Variants in FRY observed in about 807,000 individuals in gnomAD.
FRY encodes FRY microtubule binding protein, also known as protein furry homolog.
FRY carries 128 observed loss-of-function variants against 348.4 expected under a neutral mutation model. The ratio of observed to expected loss-of-function variants is 0.37; its 90% CI spans 0.32 to 0.43. The LOEUF is 0.43. Ranked by LOEUF, FRY falls within the 20% of genes least tolerant of loss-of-function variation. The probability of loss-of-function intolerance (pLI) is 1.00; values close to 1 mark genes in which losing one functional copy is unlikely to be tolerated. For missense variants in FRY, 2,736 were observed against 3,695.2 expected (o/e 0.74, Z 6.73); for synonymous variants, 1,370 against 1,374.7 (o/e 1.00, Z 0.08).
Position 32,194,151 on chromosome 13 carries a change from A to C in FRY, c.3600A>C (p.Gln1200His), listed in dbSNP as rs754332808. Residue 1200 changes from glutamine (Q) to histidine (H), a missense_variant, in exon 29 of 61, where the codon CAA becomes CAC. Around this residue, in one of 9 missense-constraint regions of FRY, gnomAD observed 794 missense variants for 977.0 expected, o/e 0.81. Transcript: ENST00000542859. ...TTGCTCCATGTATTCAGGTTCATCA[A>C]CTTGGCTGCGAAGTTGTTGTCTTGC... ...ILACQDLRVH[Q>H]LGCEVVVLLL... 1 of 1,613,882 alleles carries C rather than the reference A, an allele frequency of 6.2e-7. No homozygotes were observed. The highest frequency in any genetic ancestry group is 1.7e-5 in the Admixed American group (1 of 60,030).
At chr13:32,118,636 C>G (rs1878455821) in intron 4 of FRY, among the ~76,000 whole-genome samples, 1 of 151,878 alleles carries the variant, frequency 6.6e-6, no homozygotes, top group African/African-American at 2.4e-5. Flanking sequence ...TAAAATTCAC[C>G]CTTTTAAAGT....
Position 32,261,628 on chromosome 13 carries a change from G to C in FRY, c.7429G>C (p.Asp2477His). The C allele has an allele frequency of 6.2e-7, 1 of 1,614,118 alleles. No homozygotes were observed. Among genetic ancestry groups the C allele is most frequent in the Non-Finnish European group, 8.5e-7 (1 of 1,179,988 alleles). Residue 2477 changes from aspartate to histidine, a missense_variant, in exon 52 of 61, where the codon GAC becomes CAC. Asp to His is a moderately conservative substitution (Grantham distance 81). Around this residue, in one of 9 missense-constraint regions of FRY, gnomAD observed 789 missense variants for 996.2 expected, o/e 0.79. Coordinates refer to ENST00000542859, the MANE Select transcript of FRY (RefSeq NM_023037.3). The stretch of plus-strand genomic sequence containing the variant: ...GGTGTGATTTCAGGGTGAGAGTATG[G>C]ACAATTTCAACTGGGGAGTGCGCAG... ...ELEDGEGESM[D>H]NFNWGVRRRS...
intron 1 of FRY, among the ~76,000 whole-genome samples, chr13:32,063,594 T>A (rs1208247914): frequency 6.6e-6 from 1 of 152,188 alleles, no homozygotes; most frequent in Admixed American, 6.5e-5. Context: ...ACCAATCTGC[T>A]ATTTTTCTCT....
At chr13:32,231,529 T>C (rs976611019) in intron 41 of FRY, among the ~76,000 whole-genome samples, 1 of 152,230 alleles carries the variant, frequency 6.6e-6, no homozygotes, top group Admixed American at 6.5e-5. Context: ...AACATACTTG[T>C]TCTACTTCTT....
At chr13:32,281,760 C>T (rs1249439332) in intron 58 of FRY, among the ~76,000 whole-genome samples, 2 of 152,170 alleles carry the variant, frequency 1.3e-5, no homozygotes, top group African/African-American at 4.8e-5. Flanking sequence ...TTATATGCCA[C>T]CTAACAAAAG....
intron 29 of FRY, among the ~76,000 whole-genome samples, chr13:32,198,430 T>C (rs940414085): frequency 6.6e-6 from 1 of 152,238 alleles, no homozygotes; most frequent in African/African-American, 2.4e-5. Context: ...TGTTCCAAGA[T>C]ACAGCAATTT....
In FRY at chr13:32,157,851, TTCAAA is replaced by T. The variant is rs534612461; in HGVS notation, c.1784+451_1784+455del. Among the ~76,000 whole-genome samples, 619 of 152,358 alleles carry T rather than the reference TTCAAA, an allele frequency of 4.1e-3. 14 individuals are homozygous for T. The highest frequency in any genetic ancestry group is 0.037 in the Admixed American group (569 of 15,302). ...GAAAGCATGCGTAGCTTCAAATGTA[TTCAAA>T]TCAAGTATTCTTATTCAAAATCTGA... On this transcript the variant is annotated intron_variant, in intron 16 of 60. Transcript: ENST00000542859.
intron 59 of FRY, 33 bp downstream of exon 59, chr13:32,289,776 A>C (rs1052931105): frequency 9.4e-7 from 1 of 1,067,790 alleles, no homozygotes; most frequent in African/African-American, 1.5e-5. Flanking sequence ...CCCACGTCCC[A>C]CCACAAAAAC....
In FRY at chr13:32,139,161, G is replaced by T. The variant is rs371337796; in HGVS notation, c.1179+2189G>T. ...GTTTAAAAAATGTTATTAATATTCA[G>T]AAAACCTTCCAAACCTCTTGAGTCC... On this transcript the variant is annotated intron_variant, in intron 11 of 60. Transcript: ENST00000542859. Among the ~76,000 whole-genome samples the T allele has an allele frequency of 3.9e-5, 6 of 152,166 alleles. No individual in the cohort carries two copies. The East Asian group carries it at 7.7e-4, about 20-fold the overall frequency.
At chr13:32,265,731 C>A in intron 54 of FRY, 115 bp downstream of exon 54, 1 of 1,025,360 alleles carries the variant, frequency 9.8e-7, no homozygotes, top group Non-Finnish European at 1.5e-6. Context: ...ATAAAGGACT[C>A]CAAAGTGACA....
chr13:32,297,821 T>C lies in FRY; in HGVS notation c.*2361T>C, dbSNP rs1048545881. 2 of 152,130 alleles carry C rather than the reference T, an allele frequency of 1.3e-5. No individual in the cohort carries two copies. The highest frequency in any genetic ancestry group is 6.5e-5 in the Admixed American group (1 of 15,274). 9.4% of individuals were successfully genotyped at this position (152,130 alleles called of 1,614,324 possible). ...CCCCAGGGATACAAAGAAGTAGAAG[T>C]ACCAAAGGAAAGGGTAGATATTTAA... On this transcript the variant is annotated 3_prime_UTR_variant, in exon 61 of 61. Transcript: ENST00000542859.
chr13:32,139,931 GA>G (rs1170781015), intron 11 of FRY, among the ~76,000 whole-genome samples: 2 of 151,818 alleles, frequency 1.3e-5, no homozygotes, highest in African/African-American at 4.8e-5. Flanking sequence ...TTGCAGATGA[GA>G]AAAAAATTAA....
intron 11 of FRY, among the ~76,000 whole-genome samples, chr13:32,140,765 G>A (rs1434341087): frequency 1.3e-5 from 2 of 152,126 alleles, no homozygotes; most frequent in Admixed American, 6.5e-5. Flanking sequence ...TGAAGCTTGT[G>A]TATAGCACTT....
chr13:32,051,757 C>T (rs1235343532), intron 1 of FRY, among the ~76,000 whole-genome samples: 1 of 152,054 alleles, frequency 6.6e-6, no homozygotes, highest in Non-Finnish European at 1.5e-5. Context: ...GCAGCAGAAG[C>T]GATGATAATT....
rs2072056786 is a variant in FRY, at chr13:32,296,056, T to C, written c.*596T>C. The C allele has an allele frequency of 6.5e-6, 1 of 154,556 alleles. No individual in the cohort carries two copies. The highest frequency in any genetic ancestry group is 2.0e-4 in the South Asian group (1 of 4,976). 9.6% of individuals were successfully genotyped at this position (154,556 alleles called of 1,614,324 possible). ...AATGTAATGTACACTGTAATTTGAA[T>C]ACAATTACTGTATCTAAAAGGAGCT... On this transcript the variant is annotated 3_prime_UTR_variant, in exon 61 of 61. Transcript: ENST00000542859.
chr13:32,140,212 A>G (rs957374977), intron 11 of FRY, among the ~76,000 whole-genome samples: 5 of 152,150 alleles, frequency 3.3e-5, no homozygotes, highest in African/African-American at 9.7e-5. Flanking sequence ...GAGGCTTCCT[A>G]TACATTGTTG....
intron 26 of FRY, among the ~76,000 whole-genome samples, 160 bp downstream of exon 26, chr13:32,185,308 T>C (rs1882963934): frequency 6.6e-6 from 1 of 152,230 alleles, no homozygotes; most frequent in Admixed American, 6.5e-5. Context: ...TGAGAACAGA[T>C]TGTCATTACT....
At chr13:32,058,138 GTTTAT>G (rs568560053) in intron 1 of FRY, among the ~76,000 whole-genome samples, 1 of 152,128 alleles carries the variant, frequency 6.6e-6, no homozygotes, top group Non-Finnish European at 1.5e-5. Flanking sequence ...CAACAATCCA[GTTTAT>G]TTTATTTATT....
chr13:32,135,304 C>G, intron 10 of FRY, 121 bp downstream of exon 10: 2 of 692,024 alleles, frequency 2.9e-6, no homozygotes, highest in East Asian at 5.3e-5. Flanking sequence ...AAAGCTCCCT[C>G]AAAAAGAGGC....
Sources: allele counts gnomAD v4.1 joint callset (sites outside exome capture counted in the v4.1 genomes callset), GRCh38; gene constraint gnomAD v4.1.1; regional missense constraint gnomAD v4.1.1; transcripts MANE v1.5; gene names NCBI Gene and HGNC (gene_info 2026-07-23, HGNC 2026-07-21).